The following ANKRD30A variants were observed in gnomAD, a reference collection of about 807,000 sequenced individuals.
The protein encoded by ANKRD30A is ankyrin repeat domain 30A, also known as ankyrin repeat domain-containing protein 30A.
ANKRD30A carries 170 observed loss-of-function variants against 166.3 expected under a neutral mutation model. The observed-to-expected ratio is 1.02, with a 90% CI of 0.90 to 1.16. ANKRD30A has a LOEUF of 1.16. Ranked by LOEUF, ANKRD30A falls within the 50% of genes most tolerant of loss-of-function variation. The pLI is 0.00. For synonymous variants in ANKRD30A, 564 were observed against 508.9 expected, an observed-to-expected ratio of 1.11 and a Z score of -1.46; for missense variants, 1,630 against 1,518.0, an observed-to-expected ratio of 1.07 and a Z score of -1.23.
At chr10:37,207,004 A>G (rs2132709858) in intron 31 of ANKRD30A, among the ~76,000 whole-genome samples, 1 of 152,258 alleles carries the variant, frequency 6.6e-6, no homozygotes. Context: ...CAATATTGAA[A>G]GTTTTTTATA....
At chr10:37,238,724 G>A in the ANKRD30A span, among the ~76,000 whole-genome samples, 22 of 152,082 alleles carry the variant, frequency 1.4e-4, no homozygotes, top group East Asian at 7.7e-4. Context: ...AAAGATAATA[G>A]CATTACCTTA....
intron 27 of ANKRD30A, among the ~76,000 whole-genome samples, chr10:37,196,423 G>A (rs191322493): frequency 3.9e-5 from 6 of 152,210 alleles, no homozygotes; most frequent in Admixed American, 2.0e-4. Context: ...TTATGTTTAA[G>A]GAAGTGTGTT....
chr10:37,157,147 T>C (rs1838447035), intron 13 of ANKRD30A, among the ~76,000 whole-genome samples: 1 of 152,228 alleles, frequency 6.6e-6, no homozygotes. Flanking sequence ...CTCAATGAAA[T>C]GTCTGTGATT....
intron 13 of ANKRD30A, among the ~76,000 whole-genome samples, chr10:37,154,441 A>C (rs1488242699): frequency 6.6e-6 from 1 of 152,140 alleles, no homozygotes; most frequent in Non-Finnish European, 1.5e-5. Flanking sequence ...CTTTTGTGGG[A>C]AAAATGTGGA....
chr10:37,231,417 GA>G, intron 34 of ANKRD30A, 43 bp from the exon 35 acceptor site: 2 of 1,540,962 alleles, frequency 1.3e-6, no homozygotes, highest in Non-Finnish European at 1.8e-6. Flanking sequence ...AATTATGTAG[GA>G]AAAAATAAAA....
At chr10:37,161,706 A>T (rs1231692159) in intron 15 of ANKRD30A, among the ~76,000 whole-genome samples, 1 of 152,192 alleles carries the variant, frequency 6.6e-6, no homozygotes, top group Non-Finnish European at 1.5e-5. Flanking sequence ...TGTTACAATC[A>T]GGGAAGACAA....
chr10:37,157,325 G>A (rs1319393490), intron 13 of ANKRD30A, among the ~76,000 whole-genome samples: 2 of 152,190 alleles, frequency 1.3e-5, no homozygotes, highest in Non-Finnish European at 2.9e-5. Flanking sequence ...GAAATATGCA[G>A]GTGAATGATA....
chr10:37,214,539 GGTATAT>G (rs958277819), intron 31 of ANKRD30A, among the ~76,000 whole-genome samples: 3 of 123,682 alleles, frequency 2.4e-5, no homozygotes, highest in Admixed American at 7.7e-5. Flanking sequence ...TAGTTTTATA[GGTATAT>G]ATATATATAT....
Position 37,219,750 on chromosome 10 carries a change from C to G in ANKRD30A, c.4038C>G (p.Asn1346Lys). The change falls in exon 34 of 36, where the codon AAC becomes AAG. Residue 1346 changes from asparagine to lysine, a missense_variant. Asn to Lys is a moderately conservative substitution (Grantham distance 94). This residue lies in a region of ANKRD30A where 712 missense variants were observed against 629.3 expected (regional missense o/e 1.13). Transcript: ENST00000361713. ...QLVHAHKKAD[N>K]KSKITIDIHF... ...TTCATGCACATAAGAAAGCTGACAACAAAAGCAAGATAACAATTGATATTC... is the reference window on the plus strand; with the variant it reads ...TTCATGCACATAAGAAAGCTGACAAGAAAAGCAAGATAACAATTGATATTC... 6.2e-7 allele frequency: 1 copy of G among 1,608,368 alleles called. No homozygotes were observed. The highest frequency in any genetic ancestry group is 8.5e-7 in the Non-Finnish European group (1 of 1,176,664).
chr10:37,164,915 T>A (rs918127859), intron 17 of ANKRD30A, among the ~76,000 whole-genome samples, 179 bp from the exon 18 acceptor site: 5 of 152,104 alleles, frequency 3.3e-5, no homozygotes, highest in Non-Finnish European at 5.9e-5. Context: ...TTGTCAGAGT[T>A]TTTAGATTTC....
At chr10:37,158,890 A>G (rs990785459) in intron 15 of ANKRD30A, among the ~76,000 whole-genome samples, 1 of 152,144 alleles carries the variant, frequency 6.6e-6, no homozygotes, top group African/African-American at 2.4e-5. Context: ...TTTGAGACTG[A>G]AATATTTGCA....
the ANKRD30A span, among the ~76,000 whole-genome samples, chr10:37,239,722 T>C: frequency 6.6e-6 from 1 of 152,126 alleles, no homozygotes; most frequent in Non-Finnish European, 1.5e-5. Flanking sequence ...TTCTCAGGTT[T>C]AACAGCACTA....
intron 27 of ANKRD30A, among the ~76,000 whole-genome samples, chr10:37,193,624 C>T (rs2490108): frequency 0.75 from 114,644 of 151,880 alleles, 44,558 homozygotes; most frequent in African/African-American, 0.94. Flanking sequence ...GAAGAAAGTT[C>T]CACTTGCTGA....
chr10:37,254,898 G>A, the ANKRD30A span, among the ~76,000 whole-genome samples: 5 of 151,852 alleles, frequency 3.3e-5, no homozygotes, highest in South Asian at 2.1e-4. Context: ...TAGCCAGAAC[G>A]GTCTTAATCT....
intron 27 of ANKRD30A, among the ~76,000 whole-genome samples, chr10:37,196,620 A>AT (rs1169664806): frequency 5.9e-5 from 9 of 152,186 alleles, no homozygotes; most frequent in Non-Finnish European, 7.3e-5. Flanking sequence ...ATTGCAATAA[A>AT]TTTTTATAGA....
chr10:37,216,103 A>G (rs1318525364), intron 31 of ANKRD30A, 78 bp from the exon 32 acceptor site: 1 of 1,025,260 alleles, frequency 9.8e-7, no homozygotes, highest in East Asian at 2.5e-5. Context: ...TTCAGTGTAT[A>G]AGTGATTGTT....
chr10:37,191,141 G>A (rs577988718), intron 25 of ANKRD30A, among the ~76,000 whole-genome samples: 1 of 151,636 alleles, frequency 6.6e-6, no homozygotes, highest in South Asian at 2.1e-4. Context: ...CATCAATATT[G>A]AAAGCTTATT....
the ANKRD30A span, among the ~76,000 whole-genome samples, chr10:37,254,137 G>C: frequency 7.2e-5 from 11 of 152,230 alleles, no homozygotes; most frequent in South Asian, 2.3e-3. Context: ...TATTATTTTA[G>C]GCTATTATTA....
chr10:37,158,729 C>G (rs1221176558), intron 15 of ANKRD30A, 143 bp downstream of exon 15: 2 of 1,313,522 alleles, frequency 1.5e-6, no homozygotes, highest in South Asian at 1.6e-5. Context: ...GTGAGTATTT[C>G]TGTTTGAGAA....
Sources: allele counts gnomAD v4.1 joint callset (sites outside exome capture counted in the v4.1 genomes callset), GRCh38; gene constraint gnomAD v4.1.1; regional missense constraint gnomAD v4.1.1; transcripts MANE v1.5; gene names NCBI Gene and HGNC (gene_info 2026-07-23, HGNC 2026-07-21).